The following SORBS2 variants were observed in gnomAD, a reference collection of about 807,000 sequenced individuals.
SORBS2 encodes the protein sorbin and SH3 domain-containing protein 2.
In SORBS2, 46 loss-of-function variants were observed where a neutral mutation model predicts 97.7. That is an observed-to-expected ratio of 0.47 (90% CI 0.37 to 0.60). The LOEUF is 0.60. SORBS2 is among the 20% of genes least tolerant of loss of function. The pLI is 0.00. For synonymous variants in SORBS2, 476 were observed against 473.4 expected, an observed-to-expected ratio of 1.01 and a Z score of -0.07; for missense variants, 1,316 against 1,282.3, an observed-to-expected ratio of 1.03 and a Z score of -0.40.
chr4:185,792,239 A>G (rs1443205253), intron 1 of SORBS2, among the ~76,000 whole-genome samples: 1 of 152,202 alleles, frequency 6.6e-6, no homozygotes, highest in Non-Finnish European at 1.5e-5. Flanking sequence ...TTACGCCTAT[A>G]ATCCCAGCAC....
intron 1 of SORBS2, among the ~76,000 whole-genome samples, chr4:185,893,827 C>A (rs1337717308): frequency 6.6e-6 from 1 of 152,138 alleles, no homozygotes; most frequent in East Asian, 1.9e-4. Flanking sequence ...TAAAACTCTC[C>A]TATAACCCTG....
At chr4:185,882,723 A>G (rs1455057304) in intron 1 of SORBS2, among the ~76,000 whole-genome samples, 1 of 152,224 alleles carries the variant, frequency 6.6e-6, no homozygotes, top group Non-Finnish European at 1.5e-5. Flanking sequence ...ACTGTGGTAT[A>G]GCTGAAAGGA....
chr4:185,844,936 G>A (rs1321793877), intron 1 of SORBS2, among the ~76,000 whole-genome samples: 1 of 152,042 alleles, frequency 6.6e-6, no homozygotes, highest in East Asian at 1.9e-4. Flanking sequence ...AAGTAAATTA[G>A]TGCCTGCCTG....
chr4:185,925,278 A>G (rs1379317155), intron 1 of SORBS2, among the ~76,000 whole-genome samples: 1 of 152,176 alleles, frequency 6.6e-6, no homozygotes, highest in Non-Finnish European at 1.5e-5. Flanking sequence ...TTAAATATGT[A>G]CATGTACAGC....
At chr4:185,736,470 G>T (rs887574073) in intron 2 of SORBS2, among the ~76,000 whole-genome samples, 4 of 152,212 alleles carry the variant, frequency 2.6e-5, no homozygotes, top group African/African-American at 4.8e-5. Flanking sequence ...TGAGACTCCA[G>T]AGAAAGTAGG....
At chr4:185,916,412 C>T (rs1223001696) in intron 1 of SORBS2, among the ~76,000 whole-genome samples, 2 of 152,214 alleles carry the variant, frequency 1.3e-5, no homozygotes, top group Admixed American at 1.3e-4. Flanking sequence ...CTGTCACGCC[C>T]ACAGTTGCTT....
chr4:185,932,727 G>A (rs925619816), intron 1 of SORBS2, among the ~76,000 whole-genome samples: 1 of 133,680 alleles, frequency 7.5e-6, no homozygotes, highest in African/African-American at 2.5e-5. Context: ...TAAAGCGGAT[G>A]AGCCCCCCTG....
At chr4:185,859,375 C>A (rs893250502) in intron 1 of SORBS2, among the ~76,000 whole-genome samples, 2 of 152,130 alleles carry the variant, frequency 1.3e-5, no homozygotes, top group African/African-American at 2.4e-5. Context: ...GCTGTGCCTG[C>A]CTCTCTCTTA....
intron 1 of SORBS2, among the ~76,000 whole-genome samples, chr4:185,842,310 C>G (rs1468062199): frequency 6.6e-6 from 1 of 152,152 alleles, no homozygotes; most frequent in African/African-American, 2.4e-5. Flanking sequence ...TGAGAACAAA[C>G]TTGGTTGGCT....
intron 2 of SORBS2, among the ~76,000 whole-genome samples, chr4:185,703,958 C>T (rs536100697): frequency 5.3e-5 from 8 of 152,094 alleles, no homozygotes; most frequent in Non-Finnish European, 7.4e-5. Context: ...GGCAATAACA[C>T]CTAAAATAAA....
At chr4:185,731,891 TA>T (rs2098642150) in intron 2 of SORBS2, among the ~76,000 whole-genome samples, 1 of 112,590 alleles carries the variant, frequency 8.9e-6, no homozygotes, top group Non-Finnish European at 1.8e-5. Context: ...TATATATATA[TA>T]TATATATATA....
At chr4:185,892,084 C>T (rs767979386) in intron 1 of SORBS2, among the ~76,000 whole-genome samples, 5 of 152,138 alleles carry the variant, frequency 3.3e-5, no homozygotes, top group South Asian at 2.1e-4. Context: ...CCGCCTGCCT[C>T]GGTCTCCCAA....
At chr4:185,752,156 G>A (rs982510796) in intron 2 of SORBS2, among the ~76,000 whole-genome samples, 3 of 152,120 alleles carry the variant, frequency 2.0e-5, no homozygotes, top group African/African-American at 7.2e-5. Context: ...ACATTACCCA[G>A]TATTGTACAG....
At chr4:185,812,645 T>C (rs2099188826) in intron 1 of SORBS2, among the ~76,000 whole-genome samples, 1 of 151,084 alleles carries the variant, frequency 6.6e-6, no homozygotes, top group South Asian at 2.1e-4. Context: ...ACACTTTTTG[T>C]TTTTAAATGA....
chr4:185,587,905 CGCTGCCATCGCGGCAGGCTAAACAGAAAT>C (rs2095824610), intron 14 of SORBS2: 2 of 490,270 alleles, frequency 4.1e-6, no homozygotes, highest in East Asian at 7.2e-5. Flanking sequence ...ATAAATGCTG[CGCTGCCATCGCGGCAGGCTAAACAGAAAT>C]GCTGAGCCTC....
intron 2 of SORBS2, among the ~76,000 whole-genome samples, chr4:185,767,269 C>A (rs978703712): frequency 6.6e-6 from 1 of 151,450 alleles, no homozygotes; most frequent in Non-Finnish European, 1.5e-5. Context: ...GAGGCCGAGG[C>A]GGGCGGATCA....
intron 3 of SORBS2, 56 bp downstream of exon 12, chr4:185,649,411 T>C (rs2153458039): frequency 7.1e-7 from 1 of 1,406,070 alleles, no homozygotes. Context: ...GAATGCCATG[T>C]AGACTTATTT....
intron 4 of SORBS2, among the ~76,000 whole-genome samples, chr4:185,638,471 TCTGCGGCAGCGAGA>T (rs2097063748): frequency 6.6e-6 from 1 of 152,160 alleles, no homozygotes; most frequent in South Asian, 2.1e-4. Flanking sequence ...TGGACCACTC[TCTGCGGCAGCGAGA>T]CTGGGTCTGG....
chr4:185,630,623 A>G (rs1298943012), intron 4 of SORBS2, 25 bp from the exon 17 acceptor site: 4 of 1,540,930 alleles, frequency 2.6e-6, no homozygotes, highest in African/African-American at 2.8e-5. Context: ...TAATAGTACC[A>G]TGAAAAATTT....
Sources: allele counts gnomAD v4.1 joint callset (sites outside exome capture counted in the v4.1 genomes callset), GRCh38; gene constraint gnomAD v4.1.1; transcripts MANE v1.5; gene names NCBI Gene and HGNC (gene_info 2026-07-23, HGNC 2026-07-21).